NDUFAF6: variants seen among roughly 807,000 people sequenced by gnomAD.
NDUFAF6 encodes NADH dehydrogenase (ubiquinone) complex I, assembly factor 6.
NDUFAF6 carries 45 observed loss-of-function variants against 40.8 expected under a neutral mutation model. The observed-to-expected ratio is 1.10, with a 90% confidence interval of 0.87 to 1.42. The LOEUF is 1.42. NDUFAF6 is among the 40% of genes most tolerant of loss of function. NDUFAF6 has a pLI of 0.00. For synonymous variants in NDUFAF6, 185 were observed against 155.9 expected (o/e 1.19, Z -1.39); for missense variants, 435 against 418.5 (o/e 1.04, Z -0.34).
intron 8 of NDUFAF6, among the ~76,000 whole-genome samples, 177 bp downstream of exon 8, chr8:95,052,407 T>C (rs1332487039): frequency 2.6e-5 from 4 of 152,196 alleles, no homozygotes; most frequent in Admixed American, 6.5e-5. Flanking sequence ...ATTTCTGTAT[T>C]TCTCAGAGGC....
chr8:94,949,740 C>G (rs1822404139), intron 2 of NDUFAF6, among the ~76,000 whole-genome samples: 1 of 152,182 alleles, frequency 6.6e-6, no homozygotes, highest in African/African-American at 2.4e-5. Flanking sequence ...GGATCTCTCC[C>G]TCAGCGACCC....
At chr8:94,950,402 TTGGAC>T (rs1368129885) in intron 2 of NDUFAF6, 3 of 152,320 alleles carry the variant, frequency 2.0e-5, no homozygotes, top group Non-Finnish European at 4.4e-5. Flanking sequence ...TGGATACTGT[TTGGAC>T]TGGGATGTAG....
At position 95,047,659 on chromosome 8, in the gene NDUFAF6, G is replaced by A. The variant is rs113916082; in HGVS notation, c.714+532G>A. ...CAAGTAGCTGGGACTACAGGCGCCCGCCACCACGCCCAGCTAATTTTTTGT... is the reference window on the plus strand; with the variant it reads ...CAAGTAGCTGGGACTACAGGCGCCCACCACCACGCCCAGCTAATTTTTTGT... On this transcript the variant is annotated intron_variant, in intron 6 of 8. Transcript: ENST00000396124. Among the ~76,000 whole-genome samples, 1,071 of 151,364 alleles carry A rather than the reference G, an allele frequency of 7.1e-3. 14 individuals carry two copies. Among genetic ancestry groups the A allele is most frequent in the African/African-American group, 0.024 (999 of 41,310 alleles).
chr8:95,086,315 C>T (rs1046632380), intron 2 of NDUFAF6, among the ~76,000 whole-genome samples: 20 of 152,252 alleles, frequency 1.3e-4, no homozygotes, highest in Non-Finnish European at 1.5e-5. Flanking sequence ...CCCCTCAACA[C>T]TGTAACATGC....
At chr8:94,957,065 G>A (rs1823145925), upstream of NDUFAF6, among the ~76,000 whole-genome samples, 1 of 152,106 alleles carries the variant, frequency 6.6e-6, no homozygotes, top group Non-Finnish European at 1.5e-5. Flanking sequence ...CCAGCTGCAC[G>A]GGAGGCTGAG....
chr8:95,037,590 A>G (rs998044631), intron 3 of NDUFAF6, among the ~76,000 whole-genome samples: 3 of 152,182 alleles, frequency 2.0e-5, no homozygotes, highest in African/African-American at 7.2e-5. Flanking sequence ...AACACTTAAG[A>G]ACTAACGCCT....
chr8:94,919,879 A>T (rs1220794003), intron 1 of NDUFAF6, among the ~76,000 whole-genome samples: 1 of 152,250 alleles, frequency 6.6e-6, no homozygotes, highest in Non-Finnish European at 1.5e-5. Context: ...CTAAAGCATG[A>T]CAAATTAAGA....
rs1049697928 is a variant in NDUFAF6 at position 94,941,086 on chromosome 8, T to C, written c.-935-4397T>C. 15 of 614,288 alleles carry C rather than the reference T, an allele frequency of 2.4e-5. No homozygotes were observed. The highest frequency in any genetic ancestry group is 9.3e-5 in the African/African-American group (5 of 53,888). 38.1% of individuals were successfully genotyped at this position (614,288 alleles called of 1,614,324 possible). ...CTTAGGTGAAAAGCAAGAAGAGTCA[T>C]TGTACCTAAAATAAAACAGAAAAAG... On this transcript the variant is annotated intron_variant, in intron 1 of 14. Transcript: ENST00000396113.
intron 2 of NDUFAF6, among the ~76,000 whole-genome samples, chr8:95,006,405 C>T (rs1826988502): frequency 6.6e-6 from 1 of 150,946 alleles, no homozygotes; most frequent in South Asian, 2.1e-4. Flanking sequence ...AAAAAGACAT[C>T]TCTGTAAGAC....
intron 1 of NDUFAF6, among the ~76,000 whole-genome samples, chr8:94,931,388 C>G (rs1267655307): frequency 6.6e-6 from 1 of 151,900 alleles, no homozygotes; most frequent in African/African-American, 2.4e-5. Flanking sequence ...CAATATAAGA[C>G]TCTTGAATAA....
At chr8:95,082,367 G>C (rs1293988205) in intron 2 of NDUFAF6, among the ~76,000 whole-genome samples, 3 of 152,048 alleles carry the variant, frequency 2.0e-5, no homozygotes, top group African/African-American at 7.2e-5. Context: ...AATGGGGTGG[G>C]TGCTGTGCTG....
At chr8:94,928,820 TATA>T (rs1444997004) in intron 1 of NDUFAF6, 1 of 152,328 alleles carries the variant, frequency 6.6e-6, no homozygotes, top group African/African-American at 2.4e-5. Flanking sequence ...TATTGAAAAA[TATA>T]ATACTTCACT....
At chr8:95,005,299 C>A (rs1652173829) in intron 2 of NDUFAF6, among the ~76,000 whole-genome samples, 1 of 151,976 alleles carries the variant, frequency 6.6e-6, no homozygotes, top group South Asian at 2.1e-4. Flanking sequence ...CATCAGGAAC[C>A]ATTCACAAGG....
chr8:95,106,794 C>A (rs569825949), downstream of NDUFAF6, among the ~76,000 whole-genome samples: 227 of 152,122 alleles, frequency 1.5e-3, 1 homozygote, highest in African/African-American at 5.2e-3. Flanking sequence ...AAGAAAAAAA[C>A]CAAACAACCC....
chr8:94,963,506 G>A (rs532937831), intron 1 of NDUFAF6, among the ~76,000 whole-genome samples: 1 of 152,336 alleles, frequency 6.6e-6, no homozygotes, highest in African/African-American at 2.4e-5. Flanking sequence ...GATGAATACA[G>A]TTATGTCAGG....
At chr8:95,052,079 C>A in intron 7 of NDUFAF6, 95 bp from the exon 8 acceptor site, 1 of 1,109,256 alleles carries the variant, frequency 9.0e-7, no homozygotes, top group Non-Finnish European at 1.4e-6. Context: ...TTGAGAGAGG[C>A]CCTATCAGTA....
At chr8:94,979,939 T>TA (rs1006058023) in intron 1 of NDUFAF6, among the ~76,000 whole-genome samples, 25 of 151,514 alleles carry the variant, frequency 1.7e-4, no homozygotes, top group Admixed American at 4.0e-4. Context: ...CTACTGAAAA[T>TA]AAAAAAAATC....
At chr8:94,981,055 A>G in intron 2 of NDUFAF6, 1 of 447,012 alleles carries the variant, frequency 2.2e-6, no homozygotes, top group Non-Finnish European at 4.5e-6. Flanking sequence ...CATGGTTTTA[A>G]TATGGTTTAT....
intron 2 of NDUFAF6, among the ~76,000 whole-genome samples, chr8:95,094,193 A>T (rs1303735940): frequency 6.6e-6 from 1 of 152,076 alleles, no homozygotes; most frequent in East Asian, 1.9e-4. Flanking sequence ...ACTGGGCTTG[A>T]ACTCCTGACC....
Sources: gnomAD v4.1 joint callset for allele counts (sites outside exome capture counted in the v4.1 genomes callset) on GRCh38, gnomAD v4.1.1 for gene constraint, MANE v1.5 for transcripts, NCBI Gene and HGNC (gene_info 2026-07-23, HGNC 2026-07-21) for gene names.